The following TCHP variants were observed in gnomAD, a reference collection of about 807,000 sequenced individuals.
TCHP encodes the protein trichoplein keratin filament binding.
TCHP carries 81 observed loss-of-function variants against 88.7 expected under a neutral mutation model. The ratio of observed to expected loss-of-function variants is 0.91; its 90% CI spans 0.76 to 1.10. The LOEUF is 1.10. Among genes scored for constraint, TCHP ranks in the 50% least tolerant of loss-of-function variants. The pLI, the probability that TCHP is intolerant of heterozygous loss-of-function variation, is 0.00. For missense variants in TCHP, 641 were observed against 632.1 expected, an observed-to-expected ratio of 1.01 and a Z score of -0.15; for synonymous variants, 232 against 232.5, an observed-to-expected ratio of 1.00 and a Z score of 0.02.
chr12:109,883,520 A>G, the TCHP span, among the ~76,000 whole-genome samples: 1 of 152,054 alleles, frequency 6.6e-6, no homozygotes, highest in Non-Finnish European at 1.5e-5. Flanking sequence ...GCCATCAACT[A>G]GGCTTGTTCC....
the TCHP span, among the ~76,000 whole-genome samples, chr12:109,892,326 T>C: frequency 3.9e-5 from 6 of 152,244 alleles, no homozygotes; most frequent in South Asian, 1.0e-3. Context: ...TCCTGAAGTC[T>C]GAGTAGGAGT....
rs896942015 is a variant in TCHP, at chr12:109,917,931, C to T, written c.*1308C>T. 4 of 152,252 alleles carry T rather than the reference C, an allele frequency of 2.6e-5. No homozygotes were observed. Among genetic ancestry groups the T allele is most frequent in the Admixed American group, 1.3e-4 (2 of 15,282 alleles). The allele number at this position is 152,252 out of a possible 1,614,324, so 9.4% of individuals were successfully genotyped here. A position where few individuals can be genotyped will look rare whatever the true frequency, so the allele number is the denominator to read the frequency against. On this transcript the variant is annotated 3_prime_UTR_variant, in exon 13 of 13. Transcript: ENST00000405876. ...TAGAAACAGATCAAGCTGCAAACCA[C>T]GTCCTTCATCTGTTGTTCATTTTCT...
chr12:109,910,339 T>A (rs1870415777), intron 8 of TCHP, among the ~76,000 whole-genome samples: 1 of 152,186 alleles, frequency 6.6e-6, no homozygotes, highest in African/African-American at 2.4e-5. Flanking sequence ...CTGTTTTTTA[T>A]GGGGTCTTGC....
Position 109,908,703 on chromosome 12 carries a change from G to C in TCHP, c.812+5G>C. 1 of 1,588,164 alleles carries C rather than the reference G, an allele frequency of 6.3e-7. No individual in the cohort carries two copies. The highest frequency in any genetic ancestry group is 1.1e-5 in the South Asian group (1 of 87,354). ...CCGGCAGAAGGCAGAGCTGGGGTGT[G>C]TGTCAGAAGGGCCCCCCACTCTTCC... is the stretch of plus-strand genomic sequence containing the variant. On this transcript the variant is annotated splice_donor_5th_base_variant and intron_variant, in intron 7 of 12. Transcript: ENST00000405876.
chr12:109,904,187 G>C (rs1440219510), intron 3 of TCHP, 40 bp downstream of exon 3: 1 of 1,531,580 alleles, frequency 6.5e-7, no homozygotes, highest in Admixed American at 2.0e-5. Flanking sequence ...TGGAGCAGGA[G>C]TGTTCCCAGC....
At position 109,908,664 on chromosome 12, in the gene TCHP, CAGATGG is replaced by C. The variant is rs781414099; in HGVS notation, c.780_785del (p.Met261_Glu262del). On this transcript the variant is annotated inframe_deletion, in exon 7 of 13. Transcript: ENST00000405876. Reference sequence around the variant, plus strand: ...AGAGAGGCTGGAGGAAGAGCGAAAGCAGATGGAAGCCTTCCGGCAGAAGGCAGAGCT... The same window carrying C: ...AGAGAGGCTGGAGGAAGAGCGAAAGCAAGCCTTCCGGCAGAAGGCAGAGCT... 6.3e-7 allele frequency: 1 copy of C among 1,599,630 alleles called. No homozygotes were observed. Among genetic ancestry groups the C allele is most frequent in the South Asian group, 1.1e-5 (1 of 88,058 alleles).
At position 109,903,026 on chromosome 12, in the gene TCHP, G is replaced by T; in HGVS notation, c.1-1G>T. On this transcript the variant is annotated splice_acceptor_variant, in intron 1 of 12. Transcript: ENST00000405876. LOFTEE classifies it low-confidence loss of function (5UTR_SPLICE). The surrounding 1 kb of genome is among the most constrained non-coding windows in gnomAD (Gnocchi z 4.6). ...CACTTTCCTCCCATTCCTGTTCTCA[G>T]ATGGCGCTCCCGACGCTGCCGTCCT... The T allele has an allele frequency of 6.3e-7, 1 of 1,594,534 alleles. No homozygotes were observed. The highest frequency in any genetic ancestry group is 8.5e-7 in the Non-Finnish European group (1 of 1,169,678).
At chr12:109,906,776 C>G in intron 5 of TCHP, 136 bp downstream of exon 5, 2 of 692,760 alleles carry the variant, frequency 2.9e-6, no homozygotes, top group Non-Finnish European at 4.9e-6. Flanking sequence ...GTTTACTTGA[C>G]ACATGTGAAA....
the TCHP span, among the ~76,000 whole-genome samples, chr12:109,882,955 C>T: frequency 1.3e-5 from 2 of 151,890 alleles, no homozygotes; most frequent in Admixed American, 1.3e-4. Flanking sequence ...CCGCGCCTGG[C>T]CAAGAGTTTG....
At chr12:109,892,760 T>C in the TCHP span, among the ~76,000 whole-genome samples, 1 of 152,074 alleles carries the variant, frequency 6.6e-6, no homozygotes, top group Non-Finnish European at 1.5e-5. Flanking sequence ...ACCATCAGAG[T>C]GCTCTGCCCA....
At chr12:109,916,563 C>A in intron 12 of TCHP, 28 bp from the exon 13 acceptor site, 1 of 1,608,780 alleles carries the variant, frequency 6.2e-7, no homozygotes, top group South Asian at 1.1e-5. Flanking sequence ...CTGATCTGAT[C>A]ACTCTTATGT....
At chr12:109,888,431 G>A in the TCHP span, 1 of 152,182 alleles carries the variant, frequency 6.6e-6, no homozygotes, top group Non-Finnish European at 1.5e-5. Flanking sequence ...CTTGACCAAT[G>A]GAGTTGTAAT....
upstream of TCHP, among the ~76,000 whole-genome samples, chr12:109,896,524 TTTC>T (rs1323133875): frequency 2.0e-5 from 3 of 152,168 alleles, no homozygotes; most frequent in Admixed American, 2.0e-4. Flanking sequence ...GCTCGTTCCT[TTTC>T]TTCTTTTTGC....
intron 8 of TCHP, 55 bp from the exon 9 acceptor site, chr12:109,911,008 C>A: frequency 6.9e-7 from 1 of 1,449,922 alleles, no homozygotes; most frequent in South Asian, 1.5e-5. Flanking sequence ...TGTAGGCTCT[C>A]ATTGCAGAAG....
the TCHP span, among the ~76,000 whole-genome samples, chr12:109,894,975 C>T: frequency 1.3e-5 from 2 of 151,788 alleles, no homozygotes; most frequent in Non-Finnish European, 2.9e-5. Context: ...TTGTCTTCAG[C>T]TGTCCCATAG....
intron 12 of TCHP, among the ~76,000 whole-genome samples, chr12:109,916,347 G>C (rs1470430845): frequency 6.6e-6 from 1 of 152,226 alleles, no homozygotes; most frequent in Non-Finnish European, 1.5e-5. Context: ...CCACTTGGCC[G>C]TGGATCAGTG....
At chr12:109,891,013 C>T in the TCHP span, among the ~76,000 whole-genome samples, 3 of 152,320 alleles carry the variant, frequency 2.0e-5, no homozygotes, top group Non-Finnish European at 2.9e-5. Context: ...TGGCAGCTAA[C>T]GAGTCCGGGT....
chr12:109,903,108 G>T lies in TCHP; in HGVS notation c.82G>T (p.Ala28Ser), dbSNP rs748406423. The change falls in exon 2 of 13, where the codon GCC (alanine) becomes TCC (serine). Residue 28 changes from alanine (A) to serine (S), a missense_variant. By Grantham distance (99) the Ala-to-Ser change is moderately conservative (BLOSUM62 1). Transcript: ENST00000405876. The surrounding 1 kb of genome is among the most constrained non-coding windows in gnomAD (Gnocchi z 4.6). ...GCTAGCACGACAGCGAGAGCAGGAG[G>T]CCCGGCTTCGGCAGCAGTGGGAGCA... is the stretch of plus-strand genomic sequence containing the variant. Reference protein sequence around the residue: ...QQLARQREQEARLRQQWEQNS... With the variant: ...QQLARQREQESRLRQQWEQNS... 3 of 1,614,104 alleles carry T rather than the reference G, an allele frequency of 1.9e-6. No individual in the cohort carries two copies. In the South Asian group the frequency reaches 3.3e-5, roughly 18 times the overall value.
intron 12 of TCHP, 150 bp downstream of exon 12, chr12:109,915,696 TCCCTGACCAGC>T: frequency 9.6e-7 from 1 of 1,040,176 alleles, no homozygotes; most frequent in Non-Finnish European, 1.4e-6. Context: ...ATTTCTCTCT[TCCCTGACCAGC>T]AGGGAGCCCT....
Sources: gnomAD v4.1 joint callset for allele counts (sites outside exome capture counted in the v4.1 genomes callset) on GRCh38, gnomAD v4.1.1 for gene constraint, Gnocchi (gnomAD v3.1) non-coding constraint, MANE v1.5 for transcripts, NCBI Gene and HGNC (gene_info 2026-07-23, HGNC 2026-07-21) for gene names.